GPC6: variants seen among roughly 807,000 people sequenced by gnomAD.
GPC6 encodes the protein glypican 6, also known as glypican-6.
In GPC6, 14 loss-of-function variants were observed where a neutral mutation model predicts 55.2. The observed-to-expected ratio is 0.25, with a 90% CI of 0.17 to 0.40. The LOEUF (loss-of-function observed/expected upper bound fraction) is 0.40, where lower values mean the gene tolerates loss of function less well. Ranked by LOEUF, GPC6 falls within the 10% of genes least tolerant of loss-of-function variation. The pLI, the probability that GPC6 is intolerant of heterozygous loss-of-function variation, is 1.00. For missense variants in GPC6, 641 were observed against 708.5 expected, an observed-to-expected ratio of 0.90 and a Z score of 1.08; for synonymous variants, 278 against 259.6, an observed-to-expected ratio of 1.07 and a Z score of -0.68.
chr13:93,701,438 T>C (rs577466594), intron 2 of GPC6, among the ~76,000 whole-genome samples: 1 of 152,196 alleles, frequency 6.6e-6, no homozygotes, highest in Admixed American at 6.6e-5. Flanking sequence ...GAGAGAGTTT[T>C]ACTGTTTTTT....
At chr13:94,121,175 A>G (rs551026541) in intron 4 of GPC6, among the ~76,000 whole-genome samples, 2 of 152,190 alleles carry the variant, frequency 1.3e-5, no homozygotes, top group African/African-American at 4.8e-5. Context: ...CAGCAAGCTT[A>G]CACCACCATG....
intron 1 of GPC6, among the ~76,000 whole-genome samples, chr13:93,455,717 A>C (rs1263265461): frequency 6.6e-6 from 1 of 152,102 alleles, no homozygotes; most frequent in African/African-American, 2.4e-5. Context: ...AGGCTGGTGG[A>C]AGGTCCTAGT....
intron 4 of GPC6, among the ~76,000 whole-genome samples, chr13:94,041,540 A>C (rs1239073093): frequency 6.6e-6 from 1 of 151,844 alleles, no homozygotes; most frequent in Non-Finnish European, 1.5e-5. Flanking sequence ...ATGAGCTTTA[A>C]TTAGTATGTC....
intron 2 of GPC6, among the ~76,000 whole-genome samples, chr13:93,772,276 G>T (rs926124430): frequency 2.0e-5 from 3 of 152,098 alleles, no homozygotes; most frequent in African/African-American, 7.2e-5. Flanking sequence ...TAGGTTTACA[G>T]ATGTCTGTGA....
Position 94,194,719 on chromosome 13 carries a change from C to A in GPC6, c.878-91630C>A, listed in dbSNP as rs146997272. On this transcript the variant is annotated intron_variant, in intron 4 of 8. Coordinates refer to ENST00000377047, the MANE Select transcript of GPC6 (RefSeq NM_005708.5). ...ACCACTAAAGAACTTAGTCATGTAA[C>A]CAAATATGACCTGTTCCCCAAAAAC... 5.3e-5 allele frequency among the ~76,000 whole-genome samples: 8 copies of A among 152,038 alleles called. No homozygotes were observed. In the East Asian group the frequency reaches 1.5e-3, roughly 29 times the overall value.
intron 3 of GPC6, among the ~76,000 whole-genome samples, chr13:93,858,346 G>A (rs1888693588): frequency 6.6e-6 from 1 of 151,372 alleles, no homozygotes; most frequent in South Asian, 2.1e-4. Flanking sequence ...TTATATGTGG[G>A]GTCTATTAGT....
intron 2 of GPC6, among the ~76,000 whole-genome samples, chr13:93,588,673 C>T (rs1211893817): frequency 6.6e-6 from 1 of 152,104 alleles, no homozygotes; most frequent in African/African-American, 2.4e-5. Context: ...GCAGGCATAT[C>T]ACATGGCCAG....
At chr13:94,229,384 A>G (rs1225475204) in intron 4 of GPC6, among the ~76,000 whole-genome samples, 1 of 152,174 alleles carries the variant, frequency 6.6e-6, no homozygotes, top group Non-Finnish European at 1.5e-5. Flanking sequence ...TAGAAATATC[A>G]TGAGAATATT....
At chr13:93,538,483 A>G (rs991113516) in intron 1 of GPC6, among the ~76,000 whole-genome samples, 1 of 152,202 alleles carries the variant, frequency 6.6e-6, no homozygotes, top group African/African-American at 2.4e-5. Context: ...AGACAGCAAG[A>G]TAATTTAAAT....
At chr13:93,323,333 G>A (rs956133408) in intron 1 of GPC6, among the ~76,000 whole-genome samples, 1 of 152,140 alleles carries the variant, frequency 6.6e-6, no homozygotes, top group Non-Finnish European at 1.5e-5. Context: ...TGTGGGGGAT[G>A]TATGTGTGAG....
chr13:93,447,502 G>A (rs1426210561), intron 1 of GPC6, among the ~76,000 whole-genome samples: 1 of 152,076 alleles, frequency 6.6e-6, no homozygotes, highest in African/African-American at 2.4e-5. Flanking sequence ...AAAGTTACGT[G>A]ATGAGGAAAT....
intron 4 of GPC6, among the ~76,000 whole-genome samples, chr13:94,270,921 T>A (rs1423279808): frequency 1.3e-5 from 2 of 148,498 alleles, no homozygotes; most frequent in Non-Finnish European, 3.0e-5. Flanking sequence ...GGCACTTGTT[T>A]GTTTAATGCA....
chr13:93,695,631 T>A (rs979833105), intron 2 of GPC6, among the ~76,000 whole-genome samples: 36 of 152,218 alleles, frequency 2.4e-4, no homozygotes, highest in African/African-American at 6.3e-4. Flanking sequence ...TTAGATTTTT[T>A]AAAAAATATC....
chr13:94,347,198 T>C (rs1256611807), intron 6 of GPC6, among the ~76,000 whole-genome samples: 1 of 152,160 alleles, frequency 6.6e-6, no homozygotes, highest in East Asian at 1.9e-4. Flanking sequence ...TCATGGTCTC[T>C]TGTTCTTCCC....
In GPC6 at chr13:93,336,759, G is replaced by A. The variant is rs369871103; in HGVS notation, c.160+109143G>A. 1.3e-4 allele frequency among the ~76,000 whole-genome samples: 20 copies of A among 152,170 alleles called. No individual in the cohort carries two copies. In the East Asian group the frequency reaches 1.5e-3, roughly 12 times the overall value. On this transcript the variant is annotated intron_variant, in intron 1 of 8. Coordinates refer to ENST00000377047, the MANE Select transcript of GPC6 (RefSeq NM_005708.5). ...TGTCTTCCTCATTACAATTAATACC[G>A]ATGACTTGCAGAGACCTCCTGTATG...
At chr13:94,168,718 ATATATAT>A (rs1264501232) in intron 4 of GPC6, among the ~76,000 whole-genome samples, 1 of 148,082 alleles carries the variant, frequency 6.8e-6, no homozygotes, top group Admixed American at 6.8e-5. Context: ...TATATATAAA[ATATATAT>A]TATATATAAT....
At chr13:93,476,946 A>G (rs540771574) in intron 1 of GPC6, among the ~76,000 whole-genome samples, 2 of 152,300 alleles carry the variant, frequency 1.3e-5, no homozygotes, top group South Asian at 2.1e-4. Flanking sequence ...TGTTAACATT[A>G]TGTTATAATC....
intron 1 of GPC6, among the ~76,000 whole-genome samples, chr13:93,295,141 A>G (rs544840183): frequency 6.7e-6 from 1 of 148,492 alleles, no homozygotes; most frequent in African/African-American, 2.5e-5. Flanking sequence ...AAATACAAAT[A>G]CTAGCTGGGC....
chr13:93,409,352 G>T (rs867582095), intron 1 of GPC6, among the ~76,000 whole-genome samples: 1 of 152,092 alleles, frequency 6.6e-6, no homozygotes, highest in African/African-American at 2.4e-5. Flanking sequence ...ACTTGAAACA[G>T]AAAGAAAATA....
Sources: allele counts gnomAD v4.1 joint callset (sites outside exome capture counted in the v4.1 genomes callset), GRCh38; gene constraint gnomAD v4.1.1; transcripts MANE v1.5; gene names NCBI Gene and HGNC (gene_info 2026-07-23, HGNC 2026-07-21).